Variants in CD40 observed in about 807,000 individuals in gnomAD.
The protein encoded by CD40 is tumor necrosis factor receptor superfamily member 5.
Under a neutral mutation model 38.5 loss-of-function variants are expected in CD40, and 19 were observed. The ratio of observed to expected loss-of-function variants is 0.49; its 90% CI spans 0.34 to 0.72. CD40 has a LOEUF of 0.72. Ranked by LOEUF, CD40 falls within the 30% of genes least tolerant of loss-of-function variation. CD40 has a pLI of 0.01. For synonymous variants in CD40, 130 were observed against 128.7 expected (o/e 1.01, Z -0.07); for missense variants, 256 against 344.1 (o/e 0.74, Z 2.03).
Position 46,128,289 on chromosome 20 carries a change from C to A in CD40, c.647-41C>A, listed in dbSNP as rs1249501868. The A allele has an allele frequency of 3.7e-6, 6 of 1,605,442 alleles. No individual in the cohort carries two copies. The South Asian group carries it at 6.6e-5, about 18-fold the overall frequency. ...AGACCACCTGTTTCTTATCTGGCCT[C>A]TCCAACTCCCCATCCTTTTTTTTTT... On this transcript the variant is annotated intron_variant, in intron 7 of 8. Transcript: ENST00000372285.
At chr20:46,120,470 G>A (rs1309420230) in intron 1 of CD40, among the ~76,000 whole-genome samples, 1 of 152,210 alleles carries the variant, frequency 6.6e-6, no homozygotes, top group Non-Finnish European at 1.5e-5. Context: ...GTTTTAAGGA[G>A]CACATGGACA....
At chr20:46,128,294 A>G in intron 7 of CD40, 36 bp from the exon 8 acceptor site, 2 of 1,595,588 alleles carry the variant, frequency 1.3e-6, no homozygotes, top group Non-Finnish European at 1.7e-6. Context: ...GGCCTCTCCA[A>G]CTCCCCATCC....
chr20:46,126,856 C>A, intron 6 of CD40, 155 bp downstream of exon 6: 1 of 1,227,574 alleles, frequency 8.1e-7, no homozygotes, highest in South Asian at 1.3e-5. Context: ...GGAGTCTGGG[C>A]AAATCACTTC....
chr20:46,118,964 C>A (rs1233212503), intron 1 of CD40, among the ~76,000 whole-genome samples: 4 of 151,858 alleles, frequency 2.6e-5, no homozygotes, highest in African/African-American at 9.7e-5. Context: ...GAGGAATCCC[C>A]AGGGCTTTGC....
chr20:46,126,220 C>A (rs1157160051), intron 5 of CD40, among the ~76,000 whole-genome samples: 1 of 150,536 alleles, frequency 6.6e-6, no homozygotes, highest in Non-Finnish European at 1.5e-5. Flanking sequence ...CACCCCCACA[C>A]CCCCAGTAAA....
chr20:46,122,469 G>C lies in CD40; in HGVS notation c.256+111G>C, dbSNP rs2085338012. On this transcript the variant is annotated intron_variant, in intron 3 of 8. Transcript: ENST00000372285. This position sits in a 1 kb window ranked among gnomAD's most constrained non-coding sequence, Gnocchi z 5.0. ...TCTGCTCTGATTGGTTGGAGTCCGGGCTGTACTGATCATTAAATGATTTGA... is the reference window on the plus strand; with the variant it reads ...TCTGCTCTGATTGGTTGGAGTCCGGCCTGTACTGATCATTAAATGATTTGA... 1 of 1,569,560 alleles carries C rather than the reference G, an allele frequency of 6.4e-7. No individual in the cohort carries two copies.
intron 5 of CD40, among the ~76,000 whole-genome samples, chr20:46,123,791 T>C (rs1314716518): frequency 6.6e-6 from 1 of 152,200 alleles, no homozygotes; most frequent in Non-Finnish European, 1.5e-5. Context: ...CTTGCCAACA[T>C]GAGCGTTCGA....
At chr20:46,128,727 C>A in intron 8 of CD40, 155 bp from the exon 9 acceptor site, 1 of 768,370 alleles carries the variant, frequency 1.3e-6, no homozygotes. Context: ...TTGGTGTGGC[C>A]AGCAGGGGGC....
At chr20:46,118,671 C>A (rs11569304) in intron 1 of CD40, among the ~76,000 whole-genome samples, 8,106 of 152,164 alleles carry the variant, frequency 0.053, 726 homozygotes, top group African/African-American at 0.19. Flanking sequence ...TAGGGAGCCT[C>A]AGAGGCTGGC....
rs2085334202 is a variant in CD40 at position 46,122,307 on chromosome 20, G to C, written c.205G>C (p.Asp69His). 1 of 1,614,148 alleles carries C rather than the reference G, an allele frequency of 6.2e-7. No individual in the cohort carries two copies. The highest frequency in any genetic ancestry group is 8.5e-7 in the Non-Finnish European group (1 of 1,180,036). Residue 69 changes from aspartate (D) to histidine (H), a missense_variant, in exon 3 of 9, where the codon GAC becomes CAC. Asp to His is a moderately conservative substitution (Grantham distance 81, BLOSUM62 -1). Coordinates refer to ENST00000372285, the MANE Select transcript of CD40 (RefSeq NM_001250.6). This position sits in a 1 kb window ranked among gnomAD's most constrained non-coding sequence, Gnocchi z 5.0. ...TCCTTGCGGTGAAAGCGAATTCCTA[G>C]ACACCTGGAACAGAGAGACACACTG... ...CLPCGESEFL[D>H]TWNRETHCHQ...
Position 46,122,456 on chromosome 20 carries a change from G to C in CD40, c.256+98G>C. On this transcript the variant is annotated intron_variant, in intron 3 of 8. Transcript: ENST00000372285. This position sits in a 1 kb window ranked among gnomAD's most constrained non-coding sequence, Gnocchi z 5.0. ...TATGTAGCCAGGGTCTGCTCTGATT[G>C]GTTGGAGTCCGGGCTGTACTGATCA... The C allele has an allele frequency of 3.2e-6, 5 of 1,582,690 alleles. No homozygotes were observed. Among genetic ancestry groups the C allele is most frequent in the Non-Finnish European group, 4.3e-6 (5 of 1,153,572 alleles).
At chr20:46,120,460 G>C (rs566496310) in intron 1 of CD40, among the ~76,000 whole-genome samples, 21 of 152,376 alleles carry the variant, frequency 1.4e-4, no homozygotes, top group African/African-American at 5.0e-4. Context: ...CTGTGGGACA[G>C]TTTTAAGGAG....
At chr20:46,123,859 G>T (rs988989176) in intron 5 of CD40, among the ~76,000 whole-genome samples, 1 of 152,074 alleles carries the variant, frequency 6.6e-6, no homozygotes, top group African/African-American at 2.4e-5. Flanking sequence ...CTCTCTGTTG[G>T]AACTAAGACT....
Position 46,121,820 on chromosome 20 carries a change from G to A in CD40, c.52G>A (p.Val18Ile), listed in dbSNP as rs1440428121. Residue 18 changes from valine to isoleucine, a missense_variant and splice_region_variant, in exon 2 of 9, where the codon GTC becomes ATC. Physicochemically the swap from Val to Ile is conservative, Grantham distance 29 (BLOSUM62 3). Transcript: ENST00000372285. ...CVLWGCLLTAVHPEPPTACRE... is the reference protein window; with the variant it reads ...CVLWGCLLTAIHPEPPTACRE... Reference sequence around the variant, plus strand: ...TCAAATTGCACAATTCTGTTTTTAGGTCCATCCAGAACCACCCACTGCATG... The same window carrying A: ...TCAAATTGCACAATTCTGTTTTTAGATCCATCCAGAACCACCCACTGCATG... 1.2e-6 allele frequency: 2 copies of A among 1,611,992 alleles called. No individual in the cohort carries two copies. Among genetic ancestry groups the A allele is most frequent in the African/African-American group, 2.7e-5 (2 of 74,840 alleles).
chr20:46,118,466 G>A, intron 1 of CD40, 72 bp downstream of exon 1: 1 of 1,404,280 alleles, frequency 7.1e-7, no homozygotes, highest in Non-Finnish European at 1.0e-6. Flanking sequence ...GGAAGACTTC[G>A]GGGAAGAGGC....
chr20:46,122,149 T>G lies in CD40; in HGVS notation c.131-84T>G, dbSNP rs1013263761. The G allele has an allele frequency of 1.6e-5, 25 of 1,543,074 alleles. No homozygotes were observed. In the Admixed American group the frequency reaches 2.3e-4, roughly 14 times the overall value. On this transcript the variant is annotated intron_variant, in intron 2 of 8. Coordinates refer to ENST00000372285, the MANE Select transcript of CD40 (RefSeq NM_001250.6). This position sits in a 1 kb window ranked among gnomAD's most constrained non-coding sequence, Gnocchi z 5.0. The stretch of plus-strand genomic sequence containing the variant: ...ACTTTCATCTTTGAATCCCCTACCC[T>G]AAAGCCTGGCCTGATCATTGTGTGG...
intron 1 of CD40, among the ~76,000 whole-genome samples, chr20:46,119,854 G>T (rs928977617): frequency 8.5e-5 from 13 of 152,174 alleles, no homozygotes; most frequent in African/African-American, 2.9e-4. Context: ...TCCAAGCTCT[G>T]GTCCTGAGCT....
chr20:46,125,997 C>G (rs1198526314), intron 5 of CD40, among the ~76,000 whole-genome samples: 1 of 152,218 alleles, frequency 6.6e-6, no homozygotes, highest in Non-Finnish European at 1.5e-5. Context: ...TCCTTTAGGG[C>G]CCACTCAGGT....
rs772597083 is a variant in CD40, at chr20:46,122,791, G to T, written c.403+35G>T. The T allele has an allele frequency of 6.2e-7, 1 of 1,613,006 alleles. No individual in the cohort carries two copies. The highest frequency in any genetic ancestry group is 8.5e-7 in the Non-Finnish European group (1 of 1,179,140). On this transcript the variant is annotated intron_variant, in intron 4 of 8. Coordinates refer to ENST00000372285, the MANE Select transcript of CD40 (RefSeq NM_001250.6). The surrounding 1 kb of genome is among the most constrained non-coding windows in gnomAD (Gnocchi z 5.0). ...TCATCTGGGAATCAGTTTTGGAGGG[G>T]GACAGAGGAGCTTAGGGCCCAAGGT...
Sources: allele counts gnomAD v4.1 joint callset (sites outside exome capture counted in the v4.1 genomes callset), GRCh38; gene constraint gnomAD v4.1.1; non-coding constraint Gnocchi (gnomAD v3.1); transcripts MANE v1.5; gene names NCBI Gene and HGNC (gene_info 2026-07-23, HGNC 2026-07-21).